The following NBEA variants were observed in gnomAD, a reference collection of about 807,000 sequenced individuals.
NBEA encodes neurobeachin.
A neutral mutation model predicts 343.4 loss-of-function variants in NBEA; 44 were observed. That is an observed-to-expected ratio of 0.13 (90% CI 0.10 to 0.16). The LOEUF (loss-of-function observed/expected upper bound fraction) is 0.16, where lower values mean the gene tolerates loss of function less well. Ranked by LOEUF, NBEA falls within the 10% of genes least tolerant of loss-of-function variation. The probability of loss-of-function intolerance (pLI) is 1.00; values close to 1 mark genes in which losing one functional copy is unlikely to be tolerated. For missense variants in NBEA, 2,555 were observed against 3,631.3 expected (o/e 0.70, Z 7.62); for synonymous variants, 1,175 against 1,238.7 (o/e 0.95, Z 1.08).
rs778316124 is a variant in NBEA at position 35,671,032 on chromosome 13, A to G, written c.*41A>G. The G allele has an allele frequency of 2.1e-6, 3 of 1,418,730 alleles. No individual in the cohort carries two copies. Among genetic ancestry groups the G allele is most frequent in the Admixed American group, 3.9e-5 (2 of 50,862 alleles). 87.9% of individuals were successfully genotyped at this position (1,418,730 alleles called of 1,614,324 possible). The stretch of plus-strand genomic sequence containing the variant: ...CAAAAGCCAAGTTAAAGCTGAGAGC[A>G]CAAGTGCTGCATGGAAAGGCAATAT... On this transcript the variant is annotated 3_prime_UTR_variant, in exon 59 of 59. Transcript: ENST00000379939.
rs964007038 is a variant in NBEA at position 34,943,170 on chromosome 13, C to G, written c.294+56C>G. 22 of 1,592,738 alleles carry G rather than the reference C, an allele frequency of 1.4e-5. No individual in the cohort carries two copies. In the African/African-American group the frequency reaches 2.4e-4, roughly 18 times the overall value. On this transcript the variant is annotated intron_variant, in intron 1 of 58. Coordinates refer to ENST00000379939, the MANE Select transcript of NBEA (RefSeq NM_001385012.1). Reference sequence around the variant, plus strand: ...CCCCAGTCCCCACATACACCGTCCCCAGCGCCTTTCCCTCCCACCCTTCAC... The same window carrying G: ...CCCCAGTCCCCACATACACCGTCCCGAGCGCCTTTCCCTCCCACCCTTCAC...
intron 17 of NBEA, among the ~76,000 whole-genome samples, chr13:35,128,240 A>AT (rs1209336281): frequency 3.5e-5 from 5 of 144,852 alleles, no homozygotes; most frequent in Admixed American, 8.0e-5. Context: ...TATAATAATA[A>AT]AAAAAAAAAG....
intron 52 of NBEA, 50 bp from the exon 53 acceptor site, chr13:35,651,755 T>A: frequency 8.7e-7 from 1 of 1,145,478 alleles, no homozygotes; most frequent in Non-Finnish European, 1.3e-6. Context: ...AGGAAATCCC[T>A]TCTTTCTGAG....
intron 34 of NBEA, among the ~76,000 whole-genome samples, chr13:35,288,322 G>T (rs1702915681): frequency 6.6e-6 from 1 of 151,702 alleles, no homozygotes; most frequent in Admixed American, 6.6e-5. Context: ...TTTCAAATTT[G>T]CCTCTGCTTG....
intron 48 of NBEA, among the ~76,000 whole-genome samples, chr13:35,611,149 C>T (rs111817776): frequency 1.3e-5 from 2 of 151,970 alleles, no homozygotes; most frequent in African/African-American, 4.8e-5. Context: ...TTCTTATAAA[C>T]ACACACCAAC....
At chr13:35,286,136 A>G (rs940541729) in intron 34 of NBEA, among the ~76,000 whole-genome samples, 2 of 152,088 alleles carry the variant, frequency 1.3e-5, no homozygotes, top group East Asian at 1.9e-4. Context: ...AAGATTCTCT[A>G]TCATGATTAT....
intron 41 of NBEA, among the ~76,000 whole-genome samples, chr13:35,512,985 T>C (rs1313642528): frequency 6.6e-6 from 1 of 152,176 alleles, no homozygotes; most frequent in Admixed American, 6.5e-5. Flanking sequence ...GTAAGGTTAT[T>C]GTTGAAGACA....
chr13:35,099,396 C>T (rs1338904050), intron 11 of NBEA, among the ~76,000 whole-genome samples: 1 of 151,956 alleles, frequency 6.6e-6, no homozygotes, highest in Non-Finnish European at 1.5e-5. Flanking sequence ...GACAGGGTTT[C>T]ACCGTATTAG....
rs1385634401 is a variant in NBEA, at chr13:35,425,514, G to A, written c.6180-6755G>A. 2.6e-5 allele frequency among the ~76,000 whole-genome samples: 4 copies of A among 152,330 alleles called. No homozygotes were observed. In the East Asian group the frequency reaches 5.8e-4, roughly 22 times the overall value. ...TGATTGCACTGCGGTCTGAGAGACA[G>A]TTTGTTATAATTTCTGTTCTTTTAC... is the stretch of plus-strand genomic sequence containing the variant. On this transcript the variant is annotated intron_variant, in intron 38 of 58. Coordinates refer to ENST00000379939, the MANE Select transcript of NBEA (RefSeq NM_001385012.1).
At chr13:35,459,272 A>G (rs753316446) in intron 40 of NBEA, among the ~76,000 whole-genome samples, 6 of 152,078 alleles carry the variant, frequency 3.9e-5, no homozygotes, top group Non-Finnish European at 8.8e-5. Context: ...CATATTCCAT[A>G]GCTATTGTTC....
intron 35 of NBEA, among the ~76,000 whole-genome samples, chr13:35,299,666 C>A (rs866556056): frequency 2.0e-5 from 3 of 151,994 alleles, no homozygotes; most frequent in African/African-American, 4.8e-5. Flanking sequence ...AAGTATTGTC[C>A]CCATGAAAAT....
In NBEA at chr13:35,177,165, G is replaced by GTT. The variant is rs1302066526; in HGVS notation, c.4662+65_4662+66dup. The GTT allele has an allele frequency of 2.4e-5, 31 of 1,285,304 alleles. No individual in the cohort carries two copies. In the East Asian group the frequency reaches 7.8e-4, roughly 33 times the overall value. 79.6% of individuals were successfully genotyped at this position (1,285,304 alleles called of 1,614,324 possible). ...TTCTACTGTCATTCGTATGAAATAC[G>GTT]TTTTATAAGAAAGCTGCTTATGAAA... On this transcript the variant is annotated intron_variant, in intron 28 of 58. Coordinates refer to ENST00000379939, the MANE Select transcript of NBEA (RefSeq NM_001385012.1).
intron 10 of NBEA, among the ~76,000 whole-genome samples, chr13:35,074,396 C>G (rs185127784): frequency 6.6e-6 from 1 of 152,130 alleles, no homozygotes; most frequent in Non-Finnish European, 1.5e-5. Context: ...AAACCTTCCT[C>G]ATTGTGTGAC....
At chr13:35,299,223 A>G (rs887294551) in intron 35 of NBEA, among the ~76,000 whole-genome samples, 1 of 152,200 alleles carries the variant, frequency 6.6e-6, no homozygotes, top group African/African-American at 2.4e-5. Context: ...AAGACTTAAG[A>G]TATCAATTTA....
chr13:35,270,790 T>C (rs1307318148), intron 34 of NBEA, among the ~76,000 whole-genome samples: 2 of 152,226 alleles, frequency 1.3e-5, no homozygotes, highest in Non-Finnish European at 2.9e-5. Flanking sequence ...CATCTGCCAC[T>C]GCTGAGGCTT....
intron 39 of NBEA, 72 bp downstream of exon 39, chr13:35,432,465 CT>C (rs896937963): frequency 1.3e-4 from 176 of 1,341,774 alleles, no homozygotes; most frequent in Admixed American, 2.3e-4. Context: ...AGAATTCCTT[CT>C]TTTTTTTTCG....
chr13:35,358,992 G>C (rs939054202), intron 38 of NBEA, among the ~76,000 whole-genome samples: 1 of 152,174 alleles, frequency 6.6e-6, no homozygotes, highest in Non-Finnish European at 1.5e-5. Context: ...TTGGAGCTTA[G>C]TGAATATTGG....
chr13:35,201,742 T>C (rs896406425), intron 31 of NBEA, among the ~76,000 whole-genome samples: 1 of 152,084 alleles, frequency 6.6e-6, no homozygotes, highest in Non-Finnish European at 1.5e-5. Flanking sequence ...TGAAATGGGC[T>C]TATTATTAGT....
chr13:35,550,470 AT>A lies in NBEA; in HGVS notation c.6586-3del. 1 of 1,565,516 alleles carries A rather than the reference AT, an allele frequency of 6.4e-7. No homozygotes were observed. Among genetic ancestry groups the A allele is most frequent in the Non-Finnish European group, 8.8e-7 (1 of 1,138,282 alleles). On this transcript the variant is annotated splice_region_variant and splice_polypyrimidine_tract_variant and intron_variant, in intron 41 of 58. Coordinates refer to ENST00000379939, the MANE Select transcript of NBEA (RefSeq NM_001385012.1). ...ATTGACACTTCCCTTTAAACTGTTT[AT>A]TTTAGGTTCTTGCATACACTGAGGG...
Sources: gnomAD v4.1 joint callset for allele counts (sites outside exome capture counted in the v4.1 genomes callset) on GRCh38, gnomAD v4.1.1 for gene constraint, MANE v1.5 for transcripts, NCBI Gene and HGNC (gene_info 2026-07-23, HGNC 2026-07-21) for gene names.